The following RANBP3 variants were observed in gnomAD, a reference collection of about 807,000 sequenced individuals.
RANBP3 encodes the protein ran-binding protein 3.
A neutral mutation model predicts 77.3 loss-of-function variants in RANBP3; 14 were observed. The observed-to-expected ratio is 0.18, with a 90% confidence interval of 0.12 to 0.28. The LOEUF (loss-of-function observed/expected upper bound fraction) is 0.28, where lower values mean the gene tolerates loss of function less well. Among genes scored for constraint, RANBP3 ranks in the 10% least tolerant of loss-of-function variants. The probability of loss-of-function intolerance (pLI) is 1.00; values close to 1 mark genes in which losing one functional copy is unlikely to be tolerated. For synonymous variants in RANBP3, 315 were observed against 312.4 expected (o/e 1.01, Z -0.09); for missense variants, 586 against 752.3 (o/e 0.78, Z 2.59).
At chr19:5,917,728 A>G in intron 16 of RANBP3, 66 bp downstream of exon 16, 1 of 1,585,864 alleles carries the variant, frequency 6.3e-7, no homozygotes, top group Non-Finnish European at 8.6e-7. Context: ...CCAGGAGATC[A>G]GCACTGGATC....
intron 8 of RANBP3, 29 bp from the exon 9 acceptor site, chr19:5,928,116 A>C (rs2057937692): frequency 6.2e-7 from 1 of 1,600,864 alleles, no homozygotes; most frequent in African/African-American, 1.4e-5. Context: ...AAACAGAGTA[A>C]TCAAAACCAG....
At chr19:5,936,610 C>T (rs1381445870) in intron 5 of RANBP3, among the ~76,000 whole-genome samples, 1 of 152,172 alleles carries the variant, frequency 6.6e-6, no homozygotes, top group African/African-American at 2.4e-5. Context: ...CTGAGAAATG[C>T]AGATTCCAGG....
At chr19:5,965,185 C>G (rs1033385808) in intron 1 of RANBP3, among the ~76,000 whole-genome samples, 1 of 152,050 alleles carries the variant, frequency 6.6e-6, no homozygotes, top group Admixed American at 6.6e-5. Context: ...AATGACCAAT[C>G]TGGGACCCAG....
intron 8 of RANBP3, chr19:5,928,444 A>ATTGTTT: frequency 6.1e-6 from 1 of 164,312 alleles, no homozygotes; most frequent in South Asian, 1.8e-4. Context: ...TGGGGGAAAA[A>ATTGTTT]AAGTACAGCA....
chr19:5,962,522 C>A (rs183541567), intron 1 of RANBP3, among the ~76,000 whole-genome samples: 1 of 152,080 alleles, frequency 6.6e-6, no homozygotes, highest in African/African-American at 2.4e-5. Context: ...TGTCACACGC[C>A]GCAAGGACAA....
At chr19:5,945,032 C>A (rs2058186687) in intron 3 of RANBP3, among the ~76,000 whole-genome samples, 1 of 152,140 alleles carries the variant, frequency 6.6e-6, no homozygotes. Flanking sequence ...GAGAATGAAC[C>A]CCTTGGTGAG....
At chr19:5,950,959 C>T (rs1043398798) in intron 3 of RANBP3, 8 of 246,068 alleles carry the variant, frequency 3.3e-5, no homozygotes, top group Admixed American at 2.1e-4. Context: ...TTGGAGAGTG[C>T]CTCTTCCTAG....
intron 1 of RANBP3, among the ~76,000 whole-genome samples, chr19:5,967,758 T>G (rs1357889198): frequency 6.6e-6 from 1 of 152,194 alleles, no homozygotes; most frequent in Non-Finnish European, 1.5e-5. Context: ...CAGTGGCTCA[T>G]GCCTGTAATC....
intron 3 of RANBP3, among the ~76,000 whole-genome samples, chr19:5,947,845 C>T (rs1350527278): frequency 2.0e-5 from 3 of 152,120 alleles, no homozygotes; most frequent in African/African-American, 7.2e-5. Flanking sequence ...GTCCCTGTCA[C>T]TAAATACAAG....
chr19:5,973,265 A>C (rs2058550997), intron 1 of RANBP3, among the ~76,000 whole-genome samples: 1 of 152,212 alleles, frequency 6.6e-6, no homozygotes, highest in Non-Finnish European at 1.5e-5. Context: ...GCTAGGTTTT[A>C]AGTCAACAAG....
intron 12 of RANBP3, 21 bp from the exon 13 acceptor site, chr19:5,923,324 A>G: frequency 6.3e-7 from 1 of 1,598,628 alleles, no homozygotes; most frequent in Non-Finnish European, 8.6e-7. Context: ...ATTGGCCAAA[A>G]AGACTGACTG....
intron 1 of RANBP3, among the ~76,000 whole-genome samples, chr19:5,960,844 G>T (rs1261236124): frequency 6.6e-6 from 1 of 152,236 alleles, no homozygotes; most frequent in African/African-American, 2.4e-5. Flanking sequence ...GGGCTGAGGG[G>T]CATGGGCCAG....
Position 5,925,755 on chromosome 19 carries a change from C to G in RANBP3, c.814-18G>C, listed in dbSNP as rs201047609. 6.2e-7 allele frequency: 1 copy of G among 1,606,658 alleles called. No homozygotes were observed. The highest frequency in any genetic ancestry group is 8.5e-7 in the Non-Finnish European group (1 of 1,173,658). Reference sequence around the variant, plus strand: ...TTTATCAGCTGGGAATGAGACGGAGCGCTCAGTAATCGGGGGTGGGGGGGT... The same window carrying G: ...TTTATCAGCTGGGAATGAGACGGAGGGCTCAGTAATCGGGGGTGGGGGGGT... On this transcript the variant is annotated intron_variant, in intron 9 of 16. Transcript: ENST00000340578.
At chr19:5,939,866 C>G (rs905390364) in intron 5 of RANBP3, among the ~76,000 whole-genome samples, 1 of 152,258 alleles carries the variant, frequency 6.6e-6, no homozygotes, top group Non-Finnish European at 1.5e-5. Context: ...CCCTGCACCT[C>G]TGCAGGGGCA....
intron 1 of RANBP3, among the ~76,000 whole-genome samples, chr19:5,967,363 A>T (rs2058479939): frequency 6.6e-6 from 1 of 152,170 alleles, no homozygotes; most frequent in South Asian, 2.1e-4. Context: ...ACCTTCAACT[A>T]CCGAACTCCA....
At position 5,917,867 on chromosome 19, in the gene RANBP3, C is replaced by A. The variant is rs957840763; in HGVS notation, c.1587G>T (p.Gly529=). ...CGTCCTCCTCGTTGGATGGGGCTGC[C>A]CCAGGCTCAGGCGCGGGCATCTTGG... is the stretch of plus-strand genomic sequence containing the variant. ...QEAKMPAPEP[G]AAPSNEEDDS... The change falls in exon 16 of 17, where the codon GGG becomes GGT. Residue 529 remains glycine (G), a synonymous_variant. Transcript: ENST00000340578. The A allele has an allele frequency of 1.2e-6, 2 of 1,612,708 alleles. No homozygotes were observed. The highest frequency in any genetic ancestry group is 2.7e-5 in the African/African-American group (2 of 74,930).
At chr19:5,945,028 G>A (rs1394513052) in intron 3 of RANBP3, among the ~76,000 whole-genome samples, 22 of 152,228 alleles carry the variant, frequency 1.4e-4, no homozygotes, top group South Asian at 1.0e-3. Context: ...AAGCGAGAAT[G>A]AACCCCTTGG....
At chr19:5,939,473 C>G (rs980740252) in intron 5 of RANBP3, among the ~76,000 whole-genome samples, 8 of 152,214 alleles carry the variant, frequency 5.3e-5, no homozygotes, top group Non-Finnish European at 2.9e-5. Context: ...CAGGAGAACC[C>G]CCAGGCCGGG....
intron 15 of RANBP3, 59 bp downstream of exon 15, chr19:5,918,437 G>A (rs2057773680): frequency 1.3e-6 from 2 of 1,489,158 alleles, no homozygotes; most frequent in Admixed American, 3.9e-5. Context: ...GTGTGCCCAG[G>A]AACCCCCACA....
Sources: gnomAD v4.1 joint callset for allele counts (sites outside exome capture counted in the v4.1 genomes callset) on GRCh38, gnomAD v4.1.1 for gene constraint, MANE v1.5 for transcripts, NCBI Gene and HGNC (gene_info 2026-07-23, HGNC 2026-07-21) for gene names.